Variants in SREK1IP1 observed in about 807,000 individuals in gnomAD.
The protein encoded by SREK1IP1 is protein SREK1IP1.
A neutral mutation model predicts 22.8 loss-of-function variants in SREK1IP1; 12 were observed. The ratio of observed to expected loss-of-function variants is 0.53; its 90% confidence interval spans 0.34 to 0.85. The LOEUF (loss-of-function observed/expected upper bound fraction) is 0.85, where lower values mean the gene tolerates loss of function less well. SREK1IP1 is among the 40% of genes least tolerant of loss of function. The pLI is 0.02. For synonymous variants in SREK1IP1, 53 were observed against 52.7 expected (o/e 1.01, Z -0.02); for missense variants, 147 against 171.8 (o/e 0.86, Z 0.81).
rs532930078 is a variant in SREK1IP1, at chr5:64,761,821, T to G, written c.13+6684A>C. Among the ~76,000 whole-genome samples, 7 of 152,358 alleles carry G rather than the reference T, an allele frequency of 4.6e-5. 1 individual carries two copies. The South Asian group carries it at 1.4e-3, about 32-fold the overall frequency. On this transcript the variant is annotated intron_variant, in intron 1 of 4. Transcript: ENST00000513458. ...TGTCAAAATTCTTCAAGCCAAACATTTGTGATCTGTGCTGTTTTTAAAACA... is the reference window on the plus strand; with the variant it reads ...TGTCAAAATTCTTCAAGCCAAACATGTGTGATCTGTGCTGTTTTTAAAACA...
At chr5:64,741,253 G>A in intron 2 of SREK1IP1, 53 bp from the exon 3 acceptor site, 10 of 1,526,702 alleles carry the variant, frequency 6.6e-6, no homozygotes, top group Non-Finnish European at 8.9e-6. Context: ...GATACATTAT[G>A]TATTTTTGTA....
chr5:64,768,505 C>T lies in SREK1IP1; in HGVS notation c.13G>A (p.Gly5Ser). The T allele has an allele frequency of 6.2e-7, 1 of 1,614,170 alleles. No homozygotes were observed. Among genetic ancestry groups the T allele is most frequent in the Non-Finnish European group, 8.5e-7 (1 of 1,180,024 alleles). MAVP[G>S]CNKDSVRAGC... is the part of the protein sequence containing the mutation. ...CAGAGGCCCTGTAATTGCTCCTTAC[C>T]TGGGACTGCCATGACGGTGGTAAGA... The change falls in exon 1 of 5, where the codon GGT becomes AGT. Residue 5 changes from glycine to serine, a missense_variant and splice_region_variant. This residue lies in a region of SREK1IP1 where 62 missense variants were observed against 73.3 expected (regional missense o/e 0.85). Transcript: ENST00000513458.
chr5:64,731,950 T>C (rs76225462), intron 3 of SREK1IP1, among the ~76,000 whole-genome samples: 3,435 of 152,122 alleles, frequency 0.023, 128 homozygotes, highest in African/African-American at 0.078. Context: ...GAAAAAATGA[T>C]TAAAGGCAAA....
rs1186414796 is a variant in SREK1IP1, at chr5:64,721,289, C to T, written c.*3095G>A. Reference sequence around the variant, plus strand: ...CTTACTTATCTCTGTATCCCCAGTACTTAGCACAGCGTTTGCCACGTTAGG... The same window carrying T: ...CTTACTTATCTCTGTATCCCCAGTATTTAGCACAGCGTTTGCCACGTTAGG... On this transcript the variant is annotated 3_prime_UTR_variant, in exon 5 of 5. Transcript: ENST00000513458. The T allele has an allele frequency of 6.6e-6, 1 of 152,154 alleles. No individual in the cohort carries two copies. The highest frequency in any genetic ancestry group is 1.5e-5 in the Non-Finnish European group (1 of 68,036). The allele number at this position is 152,154 out of a possible 1,614,324, so 9.4% of individuals were successfully genotyped here.
chr5:64,725,637 CCTT>C (rs1036717113), intron 4 of SREK1IP1, among the ~76,000 whole-genome samples: 2 of 152,086 alleles, frequency 1.3e-5, no homozygotes, highest in African/African-American at 2.4e-5. Context: ...CCTTTTTCCT[CCTT>C]GTTTGTCTAC....
Position 64,724,728 on chromosome 5 carries a change from C to T in SREK1IP1, c.279-155G>A, listed in dbSNP as rs146035512. Among the ~76,000 whole-genome samples the T allele has an allele frequency of 3.6e-3, 543 of 152,160 alleles. 2 individuals carry two copies. The highest frequency in any genetic ancestry group is 0.017 in the Middle Eastern group (5 of 294). ...TTCATATATTTGCATTCCCTTAAAA[C>T]GATGAATTTAGAATTTTTGCTGCTT... On this transcript the variant is annotated intron_variant, in intron 4 of 4. Transcript: ENST00000513458.
rs1362300064 is a variant in SREK1IP1, at chr5:64,721,263, T to A, written c.*3121A>T. 1 of 152,198 alleles carries A rather than the reference T, an allele frequency of 6.6e-6. No individual in the cohort carries two copies. Among genetic ancestry groups the A allele is most frequent in the Non-Finnish European group, 1.5e-5 (1 of 68,036 alleles). The allele number at this position is 152,198 out of a possible 1,614,324, so 9.4% of individuals were successfully genotyped here. On this transcript the variant is annotated 3_prime_UTR_variant, in exon 5 of 5. Coordinates refer to ENST00000513458, the MANE Select transcript of SREK1IP1 (RefSeq NM_173829.4). ...GAAGTCCTTCAGGGAGGCAAATGTG[T>A]CTTACTTATCTCTGTATCCCCAGTA...
chr5:64,725,464 T>G (rs922909452), intron 4 of SREK1IP1, among the ~76,000 whole-genome samples: 62 of 152,242 alleles, frequency 4.1e-4, no homozygotes, highest in African/African-American at 1.5e-3. Context: ...GAGTTAAAAC[T>G]CAAACTAAGA....
intron 1 of SREK1IP1, among the ~76,000 whole-genome samples, chr5:64,768,288 C>A (rs535317493): frequency 6.6e-6 from 1 of 152,348 alleles, no homozygotes; most frequent in African/African-American, 2.4e-5. Context: ...TCCCAAGCAG[C>A]TGGGGCTTGG....
chr5:64,759,205 T>A (rs1238437898), intron 1 of SREK1IP1, among the ~76,000 whole-genome samples: 1 of 152,222 alleles, frequency 6.6e-6, no homozygotes, highest in Non-Finnish European at 1.5e-5. Context: ...TTGCTTAGAT[T>A]CACTGAGCTA....
rs923092089 is a variant in SREK1IP1, at chr5:64,719,321, T to C, written c.*5063A>G. 2.0e-5 allele frequency: 3 copies of C among 152,218 alleles called. No individual in the cohort carries two copies. The highest frequency in any genetic ancestry group is 6.5e-5 in the Admixed American group (1 of 15,278). The allele number at this position is 152,218 out of a possible 1,614,324, so 9.4% of individuals were successfully genotyped here. Reference sequence around the variant, plus strand: ...TTGAACTTCACATTCAAAAATACAATTTTGCAAAGGTTTAAATACTAAAAT... The same window carrying C: ...TTGAACTTCACATTCAAAAATACAACTTTGCAAAGGTTTAAATACTAAAAT... On this transcript the variant is annotated 3_prime_UTR_variant, in exon 5 of 5. Coordinates refer to ENST00000513458, the MANE Select transcript of SREK1IP1 (RefSeq NM_173829.4).
At chr5:64,755,364 A>G (rs965891031) in intron 1 of SREK1IP1, among the ~76,000 whole-genome samples, 1 of 152,222 alleles carries the variant, frequency 6.6e-6, no homozygotes, top group African/African-American at 2.4e-5. Flanking sequence ...ACACTATGGA[A>G]TACTATGAAG....
At chr5:64,752,289 C>T (rs1426484360) in intron 2 of SREK1IP1, among the ~76,000 whole-genome samples, 7 of 151,574 alleles carry the variant, frequency 4.6e-5, no homozygotes, top group Non-Finnish European at 1.0e-4. Context: ...GTAGCTGGGA[C>T]TACAGGCGCC....
At chr5:64,748,608 G>A (rs1742684549) in intron 2 of SREK1IP1, among the ~76,000 whole-genome samples, 1 of 152,124 alleles carries the variant, frequency 6.6e-6, no homozygotes, top group Non-Finnish European at 1.5e-5. Flanking sequence ...GTAACCCTGG[G>A]CCTCAGTTTT....
chr5:64,766,843 G>A (rs1743040005), intron 1 of SREK1IP1, among the ~76,000 whole-genome samples: 2 of 152,170 alleles, frequency 1.3e-5, no homozygotes, highest in African/African-American at 2.4e-5. Context: ...CAGTGCAGTT[G>A]TGAATATTAA....
rs543057378 is a variant in SREK1IP1, at chr5:64,743,930, T to C, written c.62-2730A>G. ...AACCATCAAGTGATGGTCCAGCAGC[T>C]GTCACACTGTCTCTCTAAAATGATA... On this transcript the variant is annotated intron_variant, in intron 2 of 4. Coordinates refer to ENST00000513458, the MANE Select transcript of SREK1IP1 (RefSeq NM_173829.4). Among the ~76,000 whole-genome samples the C allele has an allele frequency of 1.8e-3, 275 of 152,276 alleles. 1 individual carries two copies. The highest frequency in any genetic ancestry group is 3.4e-3 in the Non-Finnish European group (232 of 68,024).
At chr5:64,767,585 T>C (rs944951846) in intron 1 of SREK1IP1, among the ~76,000 whole-genome samples, 7 of 152,216 alleles carry the variant, frequency 4.6e-5, no homozygotes, top group African/African-American at 7.2e-5. Flanking sequence ...ATAAAGAACC[T>C]GGTCAAATAA....
chr5:64,751,228 C>G (rs563075452), intron 2 of SREK1IP1, among the ~76,000 whole-genome samples: 2 of 152,280 alleles, frequency 1.3e-5, no homozygotes, highest in East Asian at 3.9e-4. Context: ...GCTCTTGTTT[C>G]TTCTGCCATA....
At chr5:64,730,861 C>A (rs1307485142) in intron 3 of SREK1IP1, among the ~76,000 whole-genome samples, 1 of 152,080 alleles carries the variant, frequency 6.6e-6, no homozygotes, top group East Asian at 1.9e-4. Context: ...GAGGTTCATC[C>A]ATATTTGGGG....
Sources: allele counts gnomAD v4.1 joint callset (sites outside exome capture counted in the v4.1 genomes callset), GRCh38; gene constraint gnomAD v4.1.1; regional missense constraint gnomAD v4.1.1; transcripts MANE v1.5; gene names NCBI Gene and HGNC (gene_info 2026-07-23, HGNC 2026-07-21).